The following PPARGC1A variants were observed in gnomAD, a reference collection of about 807,000 sequenced individuals.
The protein encoded by PPARGC1A is PPARG coactivator 1 alpha, also known as peroxisome proliferator-activated receptor gamma coactivator 1-alpha.
A neutral mutation model predicts 88.7 loss-of-function variants in PPARGC1A; 25 were observed. The ratio of observed to expected loss-of-function variants is 0.28; its 90% CI spans 0.21 to 0.39. The LOEUF (loss-of-function observed/expected upper bound fraction) is 0.39, where lower values mean the gene tolerates loss of function less well. Ranked by LOEUF, PPARGC1A falls within the 10% of genes least tolerant of loss-of-function variation. The pLI is 1.00. For missense variants in PPARGC1A, 880 were observed against 968.7 expected (o/e 0.91, Z 1.22); for synonymous variants, 363 against 355.6 (o/e 1.02, Z -0.24).
At chr4:24,384,914 C>A in the PPARGC1A span, among the ~76,000 whole-genome samples, 3 of 152,336 alleles carry the variant, frequency 2.0e-5, no homozygotes, top group South Asian at 6.2e-4. Context: ...TTACAGAATT[C>A]TCCACCCTAA....
the PPARGC1A span, among the ~76,000 whole-genome samples, chr4:24,203,941 T>C: frequency 3.3e-5 from 5 of 152,374 alleles, no homozygotes; most frequent in South Asian, 1.0e-3. Context: ...GCGTAGAGCA[T>C]AACCTCCAGA....
intron 1 of PPARGC1A, among the ~76,000 whole-genome samples, chr4:23,896,099 GA>G (rs1331889108): frequency 2.6e-5 from 4 of 151,570 alleles, no homozygotes; most frequent in African/African-American, 9.7e-5. Flanking sequence ...AATGAAGCTT[GA>G]AAAAACTATA....
chr4:24,101,809 G>T, the PPARGC1A span, among the ~76,000 whole-genome samples: 1 of 152,156 alleles, frequency 6.6e-6, no homozygotes. Context: ...CCCAGAATAC[G>T]TTCATGGATT....
the PPARGC1A span, among the ~76,000 whole-genome samples, chr4:24,346,479 G>A: frequency 6.6e-6 from 1 of 152,104 alleles, no homozygotes; most frequent in Non-Finnish European, 1.5e-5. Flanking sequence ...TCTGTTCAGG[G>A]TATCTAATTC....
the PPARGC1A span, among the ~76,000 whole-genome samples, chr4:24,225,396 C>T: frequency 2.0e-5 from 3 of 151,914 alleles, no homozygotes; most frequent in Non-Finnish European, 2.9e-5. Context: ...GGTGAAACCC[C>T]GTCTCTACTA....
chr4:24,228,315 A>G, the PPARGC1A span, among the ~76,000 whole-genome samples: 9 of 152,216 alleles, frequency 5.9e-5, no homozygotes, highest in African/African-American at 2.2e-4. Context: ...CACAGCCATA[A>G]AAAAGGAAGA....
chr4:24,310,977 T>A, the PPARGC1A span, among the ~76,000 whole-genome samples: 1,005 of 151,634 alleles, frequency 6.6e-3, 6 homozygotes, highest in Non-Finnish European at 0.011. Flanking sequence ...GTAAATGTGA[T>A]CTCTCACAAG....
chr4:23,879,646 C>T (rs1715523665), intron 2 of PPARGC1A, among the ~76,000 whole-genome samples: 1 of 152,182 alleles, frequency 6.6e-6, no homozygotes, highest in South Asian at 2.1e-4. Flanking sequence ...CACCTTGTCC[C>T]TTCCCTGTAC....
chr4:24,121,077 A>C, the PPARGC1A span, among the ~76,000 whole-genome samples: 1 of 152,164 alleles, frequency 6.6e-6, no homozygotes, highest in Non-Finnish European at 1.5e-5. Context: ...TCTGAAAAAC[A>C]GGGGTAGTAA....
At chr4:24,339,229 T>TAC in the PPARGC1A span, among the ~76,000 whole-genome samples, 7 of 100,052 alleles carry the variant, frequency 7.0e-5, no homozygotes, top group African/African-American at 2.0e-4. Flanking sequence ...TATATATATA[T>TAC]ATATATATAC....
chr4:23,882,992 G>A (rs1716234493), intron 2 of PPARGC1A: 2 of 152,134 alleles, frequency 1.3e-5, no homozygotes, highest in South Asian at 4.1e-4. Context: ...ATATGAAATA[G>A]GTGATTTTTA....
At chr4:24,148,738 G>C in the PPARGC1A span, among the ~76,000 whole-genome samples, 2 of 152,176 alleles carry the variant, frequency 1.3e-5, no homozygotes, top group Admixed American at 6.5e-5. Context: ...TGCTAAGTCA[G>C]GTGAACTGAT....
chr4:24,167,693 C>G, the PPARGC1A span, among the ~76,000 whole-genome samples: 1 of 152,134 alleles, frequency 6.6e-6, no homozygotes, highest in Non-Finnish European at 1.5e-5. Flanking sequence ...AAGAGTACAA[C>G]TTGCTGAAGG....
At chr4:24,138,382 C>G in the PPARGC1A span, among the ~76,000 whole-genome samples, 1 of 152,186 alleles carries the variant, frequency 6.6e-6, no homozygotes, top group African/African-American at 2.4e-5. Flanking sequence ...CAATTGGACA[C>G]AGTCCAATTG....
chr4:24,331,870 A>T, the PPARGC1A span, among the ~76,000 whole-genome samples: 1 of 151,748 alleles, frequency 6.6e-6, no homozygotes, highest in Non-Finnish European at 1.5e-5. Context: ...GCACCTGTCA[A>T]CCCATCATAT....
chr4:23,979,225 C>T, the PPARGC1A span, among the ~76,000 whole-genome samples: 1 of 152,066 alleles, frequency 6.6e-6, no homozygotes, highest in Admixed American at 6.5e-5. Context: ...TTTTACCATG[C>T]AATAAAAAAC....
At chr4:23,981,279 A>C in the PPARGC1A span, among the ~76,000 whole-genome samples, 1 of 152,184 alleles carries the variant, frequency 6.6e-6, no homozygotes, top group East Asian at 1.9e-4. Flanking sequence ...TCAATACACC[A>C]TGAGAGCAGA....
At chr4:24,396,702 G>A in the PPARGC1A span, among the ~76,000 whole-genome samples, 27 of 152,096 alleles carry the variant, frequency 1.8e-4, no homozygotes, top group African/African-American at 5.8e-4. Context: ...AAAGAGCACC[G>A]CATTGCTCCC....
chr4:23,912,643 A>G, the PPARGC1A span, among the ~76,000 whole-genome samples: 889 of 152,212 alleles, frequency 5.8e-3, 3 homozygotes, highest in Non-Finnish European at 9.7e-3. Context: ...AGAATTCCCT[A>G]TGAGCTATGA....
Sources: gnomAD v4.1 joint callset for allele counts (sites outside exome capture counted in the v4.1 genomes callset) on GRCh38, gnomAD v4.1.1 for gene constraint, MANE v1.5 for transcripts, NCBI Gene and HGNC (gene_info 2026-07-23, HGNC 2026-07-21) for gene names.